AGBL1: variants seen among roughly 807,000 people sequenced by gnomAD.
AGBL1 encodes AGBL carboxypeptidase 1.
In AGBL1, 130 loss-of-function variants were observed where a neutral mutation model predicts 118.9. The observed-to-expected ratio is 1.09, with a 90% CI of 0.95 to 1.26. The LOEUF is 1.26. Among genes scored for constraint, AGBL1 ranks in the 50% most tolerant of loss-of-function variants. AGBL1 has a pLI of 0.00. For synonymous variants in AGBL1, 555 were observed against 478.9 expected, an observed-to-expected ratio of 1.16 and a Z score of -2.08; for missense variants, 1,584 against 1,298.1, an observed-to-expected ratio of 1.22 and a Z score of -3.38.
intron 23 of AGBL1, among the ~76,000 whole-genome samples, chr15:86,964,407 C>T (rs1175403003): frequency 6.6e-6 from 1 of 151,798 alleles, no homozygotes; most frequent in Non-Finnish European, 1.5e-5. Flanking sequence ...CCACCACTAC[C>T]CCCACTGTGA....
intron 22 of AGBL1, among the ~76,000 whole-genome samples, chr15:86,886,932 A>G (rs560922264): frequency 6.6e-6 from 1 of 152,314 alleles, no homozygotes; most frequent in African/African-American, 2.4e-5. Flanking sequence ...CCAAGTGTGT[A>G]ATACCAAGTC....
intron 22 of AGBL1, among the ~76,000 whole-genome samples, chr15:86,741,675 A>G (rs2077682181): frequency 6.6e-6 from 1 of 152,046 alleles, no homozygotes; most frequent in Admixed American, 6.6e-5. Flanking sequence ...CTTCAGGAAA[A>G]GAATTTAGTC....
chr15:86,414,143 G>A (rs1441353382), intron 18 of AGBL1, among the ~76,000 whole-genome samples: 1 of 152,136 alleles, frequency 6.6e-6, no homozygotes, highest in Non-Finnish European at 1.5e-5. Context: ...TGAACATAGA[G>A]TATGGAATGA....
intron 21 of AGBL1, among the ~76,000 whole-genome samples, chr15:86,616,520 G>A (rs2084728577): frequency 6.6e-6 from 1 of 152,042 alleles, no homozygotes; most frequent in African/African-American, 2.4e-5. Context: ...TCTTCAAAAT[G>A]CCTGATCAAT....
intron 23 of AGBL1, among the ~76,000 whole-genome samples, chr15:86,946,673 C>A (rs538562520): frequency 2.6e-5 from 4 of 151,732 alleles, no homozygotes; most frequent in African/African-American, 9.7e-5. Flanking sequence ...CATGGAGAAA[C>A]CCCGTCTCTA....
chr15:86,795,333 C>A (rs936460821), intron 22 of AGBL1, among the ~76,000 whole-genome samples: 1 of 152,028 alleles, frequency 6.6e-6, no homozygotes, highest in African/African-American at 2.4e-5. Flanking sequence ...TTTTATAAAG[C>A]CTTCTGGGAA....
In AGBL1 at chr15:86,227,416, T is replaced by A. The variant is rs1360578435; in HGVS notation, c.526+2465T>A. Among the ~76,000 whole-genome samples, 3 of 152,398 alleles carry A rather than the reference T, an allele frequency of 2.0e-5. No individual in the cohort carries two copies. In the East Asian group the frequency reaches 5.8e-4, roughly 29 times the overall value. ...CTTAATGTGTATCAGGGTTTCTCAA[T>A]GTACCATTGGCATTTTGGACAGGAT... On this transcript the variant is annotated intron_variant, in intron 6 of 22. Coordinates refer to ENST00000614907, the MANE Select transcript of AGBL1 (RefSeq NM_001386094.1).
At chr15:86,885,336 C>A (rs919520537) in intron 22 of AGBL1, among the ~76,000 whole-genome samples, 4 of 152,084 alleles carry the variant, frequency 2.6e-5, no homozygotes, top group African/African-American at 7.2e-5. Flanking sequence ...ATTGGGGTAA[C>A]CTCCCTCTGA....
chr15:86,884,425 T>C (rs2079940643), intron 22 of AGBL1, among the ~76,000 whole-genome samples: 1 of 152,242 alleles, frequency 6.6e-6, no homozygotes, highest in Non-Finnish European at 1.5e-5. Flanking sequence ...CCATTCATTG[T>C]TTTTGGACCG....
At chr15:86,718,027 A>C (rs998777438) in intron 22 of AGBL1, among the ~76,000 whole-genome samples, 1 of 152,158 alleles carries the variant, frequency 6.6e-6, no homozygotes, top group African/African-American at 2.4e-5. Context: ...GCAGTAAGCC[A>C]ACATTGTGCC....
chr15:86,824,508 C>A (rs568010933), intron 22 of AGBL1, among the ~76,000 whole-genome samples: 164 of 151,878 alleles, frequency 1.1e-3, no homozygotes, highest in Non-Finnish European at 1.8e-3. Flanking sequence ...TGATATTTAT[C>A]TCCAAATTGA....
intron 15 of AGBL1, among the ~76,000 whole-genome samples, chr15:86,276,559 G>A (rs1049869649): frequency 6.6e-6 from 1 of 152,134 alleles, no homozygotes; most frequent in East Asian, 1.9e-4. Flanking sequence ...CAGGCAAGGT[G>A]GGAAGCATAA....
chr15:86,853,554 T>C (rs1468251389), intron 22 of AGBL1, among the ~76,000 whole-genome samples: 11 of 152,210 alleles, frequency 7.2e-5, no homozygotes, highest in Non-Finnish European at 1.3e-4. Flanking sequence ...AATCAGGATC[T>C]GCACTACAGA....
At chr15:86,398,288 C>T (rs1164505487) in intron 18 of AGBL1, among the ~76,000 whole-genome samples, 1 of 152,122 alleles carries the variant, frequency 6.6e-6, no homozygotes, top group African/African-American at 2.4e-5. Flanking sequence ...ATGAGGCACC[C>T]AAAGTCACAC....
At chr15:86,443,872 TCC>T (rs1400151305) in intron 18 of AGBL1, among the ~76,000 whole-genome samples, 2 of 20,848 alleles carry the variant, frequency 9.6e-5, no homozygotes, top group East Asian at 9.6e-3. Flanking sequence ...TTGGGTTGAC[TCC>T]TCTATATCTT....
chr15:87,003,913 C>G (rs1213094783), intron 24 of AGBL1, among the ~76,000 whole-genome samples: 1 of 151,178 alleles, frequency 6.6e-6, no homozygotes, highest in Non-Finnish European at 1.5e-5. Context: ...TTCAAAAAAC[C>G]AGCTCCTGGA....
At chr15:86,116,956 T>C (rs540860528) in intron 1 of AGBL1, among the ~76,000 whole-genome samples, 53 of 152,012 alleles carry the variant, frequency 3.5e-4, no homozygotes, top group Admixed American at 4.6e-4. Context: ...CTTTTCTTTT[T>C]TTTTTTTTTT....
intron 17 of AGBL1, among the ~76,000 whole-genome samples, chr15:86,344,891 C>A (rs1002889263): frequency 6.6e-6 from 1 of 151,956 alleles, no homozygotes; most frequent in African/African-American, 2.4e-5. Context: ...ATTTGCCATG[C>A]CCTGTTCAGA....
chr15:86,573,651 G>C (rs184573711), intron 21 of AGBL1, among the ~76,000 whole-genome samples: 1 of 152,256 alleles, frequency 6.6e-6, no homozygotes, highest in Admixed American at 6.5e-5. Flanking sequence ...CATCCTGCTG[G>C]ATCTGAGTCC....
Sources: gnomAD v4.1 joint callset for allele counts (sites outside exome capture counted in the v4.1 genomes callset) on GRCh38, gnomAD v4.1.1 for gene constraint, MANE v1.5 for transcripts, NCBI Gene and HGNC (gene_info 2026-07-23, HGNC 2026-07-21) for gene names.